The following POLN variants were observed in gnomAD, a reference collection of about 807,000 sequenced individuals.
POLN encodes DNA polymerase nu.
Under a neutral mutation model 113.5 loss-of-function variants are expected in POLN, and 108 were observed. The observed-to-expected ratio is 0.95, with a 90% confidence interval of 0.81 to 1.12. The LOEUF is 1.12. POLN is among the 50% of genes most tolerant of loss of function. The pLI is 0.00. For synonymous variants in POLN, 386 were observed against 391.5 expected (o/e 0.99, Z 0.17); for missense variants, 1,097 against 1,077.1 (o/e 1.02, Z -0.26).
intron 2 of POLN, among the ~76,000 whole-genome samples, 193 bp downstream of exon 2, chr4:2,241,327 C>G (rs1734978556): frequency 6.6e-6 from 1 of 152,188 alleles, no homozygotes; most frequent in South Asian, 2.1e-4. Context: ...TCCATTTTAT[C>G]TTTTTTTCCA....
chr4:2,096,686 AAGAGAGAGAGAGAGAGAGAGAG>A (rs750844060), intron 19 of POLN, among the ~76,000 whole-genome samples: 2 of 130,008 alleles, frequency 1.5e-5, no homozygotes, highest in Admixed American at 7.9e-5. Flanking sequence ...AGCCGAGAGA[AAGAGAGAGAGAGAGAGAGAGAG>A]AGAGAGAGAG....
chr4:2,237,717 T>C (rs1489360970), intron 2 of POLN, among the ~76,000 whole-genome samples: 2 of 152,194 alleles, frequency 1.3e-5, no homozygotes, highest in Non-Finnish European at 2.9e-5. Context: ...AGAGAAAAAC[T>C]AAAATTGTAA....
chr4:2,180,630 T>C (rs1733115454), intron 7 of POLN, among the ~76,000 whole-genome samples: 1 of 152,230 alleles, frequency 6.6e-6, no homozygotes, highest in Admixed American at 6.5e-5. Flanking sequence ...TCTACAACAC[T>C]GTCTGGTGAT....
chr4:2,194,640 T>C (rs1158876536), intron 6 of POLN, among the ~76,000 whole-genome samples: 1 of 152,164 alleles, frequency 6.6e-6, no homozygotes, highest in Non-Finnish European at 1.5e-5. Flanking sequence ...TGTGATGAGG[T>C]AATCTACCAA....
chr4:2,239,947 G>A (rs999452675), intron 2 of POLN: 5 of 922,170 alleles, frequency 5.4e-6, no homozygotes, highest in Non-Finnish European at 8.4e-6. Flanking sequence ...CTTCTCAGAT[G>A]CACCATTCTA....
intron 19 of POLN, among the ~76,000 whole-genome samples, chr4:2,122,155 T>A (rs1731458297): frequency 6.6e-6 from 1 of 152,040 alleles, no homozygotes; most frequent in South Asian, 2.1e-4. Context: ...AGGTAGGAAA[T>A]CCAGGACACC....
chr4:2,242,096 C>T lies in POLN; in HGVS notation c.-329G>A. 3 of 985,772 alleles carry T rather than the reference C, an allele frequency of 3.0e-6. No individual in the cohort carries two copies. Among genetic ancestry groups the T allele is most frequent in the South Asian group, 9.4e-5 (2 of 21,336 alleles). The allele number at this position is 985,772 out of a possible 1,614,324, so 61.1% of individuals were successfully genotyped here. ...TCTCGCAGGAGCCCGCCGCCACCGC[C>T]CTCCGTGCCCCGCGCGCCTCGCACT... On this transcript the variant is annotated 5_prime_UTR_variant, in exon 1 of 26. Transcript: ENST00000511885.
chr4:2,118,254 T>G (rs1416238143), intron 19 of POLN, among the ~76,000 whole-genome samples: 3 of 152,218 alleles, frequency 2.0e-5, no homozygotes, highest in Admixed American at 6.5e-5. Flanking sequence ...GTGTTGGCAG[T>G]AGGTATTGAG....
chr4:2,176,955 C>T (rs1733012478), intron 8 of POLN, among the ~76,000 whole-genome samples: 1 of 152,180 alleles, frequency 6.6e-6, no homozygotes, highest in South Asian at 2.1e-4. Flanking sequence ...CACCTCCAGC[C>T]CACTCAGACC....
At chr4:2,207,482 G>T (rs185010025) in intron 5 of POLN, among the ~76,000 whole-genome samples, 1 of 151,826 alleles carries the variant, frequency 6.6e-6, no homozygotes, top group Non-Finnish European at 1.5e-5. Flanking sequence ...ATTGGGAGAC[G>T]TATAAATAAT....
intron 5 of POLN, among the ~76,000 whole-genome samples, chr4:2,204,107 CACAAAAA>C (rs1322766297): frequency 6.6e-5 from 1 of 15,182 alleles, no homozygotes; most frequent in Non-Finnish European, 1.1e-4. Context: ...AAAACTCTAT[CACAAAAA>C]AAAAAAAAAA....
intron 3 of POLN, among the ~76,000 whole-genome samples, chr4:2,219,251 T>C (rs1019422528): frequency 1.3e-5 from 2 of 152,212 alleles, no homozygotes; most frequent in African/African-American, 2.4e-5. Context: ...ACCATGATGA[T>C]ACTTTAGGTC....
chr4:2,238,963 T>C, intron 2 of POLN: 1 of 1,590,770 alleles, frequency 6.3e-7, no homozygotes, highest in African/African-American at 1.4e-5. Flanking sequence ...TGTCTTTTAT[T>C]TGAGTGACCT....
At chr4:2,135,466 A>G (rs918225504) in intron 16 of POLN, among the ~76,000 whole-genome samples, 1 of 152,194 alleles carries the variant, frequency 6.6e-6, no homozygotes, top group African/African-American at 2.4e-5. Flanking sequence ...TTCCAAACAC[A>G]TGAAACACTG....
chr4:2,190,993 A>G (rs1266709030), intron 7 of POLN, among the ~76,000 whole-genome samples: 1 of 152,252 alleles, frequency 6.6e-6, no homozygotes, highest in Non-Finnish European at 1.5e-5. Flanking sequence ...TAGAACTACC[A>G]TATGATCCAG....
At chr4:2,225,237 T>C (rs1018885507) in intron 3 of POLN, among the ~76,000 whole-genome samples, 27 of 152,072 alleles carry the variant, frequency 1.8e-4, no homozygotes, top group Middle Eastern at 3.2e-3. Context: ...TTGAACCTTC[T>C]CACAATTTTA....
chr4:2,157,521 T>A (rs1337923307), intron 15 of POLN, among the ~76,000 whole-genome samples: 1 of 151,996 alleles, frequency 6.6e-6, no homozygotes, highest in African/African-American at 2.4e-5. Context: ...CGTAAGAGTT[T>A]GAGACCAGCC....
chr4:2,225,280 A>C (rs1186794004), intron 3 of POLN, among the ~76,000 whole-genome samples: 4 of 152,072 alleles, frequency 2.6e-5, no homozygotes, highest in Admixed American at 6.6e-5. Context: ...ATGTATATAA[A>C]TATGTAAAAA....
chr4:2,089,853 CAG>C (rs1730626035), intron 20 of POLN: 1 of 919,548 alleles, frequency 1.1e-6, no homozygotes, highest in African/African-American at 1.6e-5. Context: ...TCTTTGAAAG[CAG>C]ACTTTCCAGA....
Sources: gnomAD v4.1 joint callset for allele counts (sites outside exome capture counted in the v4.1 genomes callset) on GRCh38, gnomAD v4.1.1 for gene constraint, MANE v1.5 for transcripts, NCBI Gene and HGNC (gene_info 2026-07-23, HGNC 2026-07-21) for gene names.